Variants in ABCB5 observed in about 807,000 individuals in gnomAD.
ABCB5 encodes the protein ATP-binding cassette sub-family B member 5.
In ABCB5, 155 loss-of-function variants were observed where a neutral mutation model predicts 144.2. The ratio of observed to expected loss-of-function variants is 1.08; its 90% CI spans 0.94 to 1.23. The LOEUF (loss-of-function observed/expected upper bound fraction) is 1.23, where lower values mean the gene tolerates loss of function less well. Among genes scored for constraint, ABCB5 ranks in the 50% most tolerant of loss-of-function variants. The pLI is 0.00. For synonymous variants in ABCB5, 610 were observed against 528.6 expected (o/e 1.15, Z -2.11); for missense variants, 1,830 against 1,520.8 (o/e 1.20, Z -3.38).
chr7:20,700,379 G>A (rs886803105), intron 19 of ABCB5, among the ~76,000 whole-genome samples: 1 of 152,190 alleles, frequency 6.6e-6, no homozygotes, highest in African/African-American at 2.4e-5. Flanking sequence ...ATTGTTCCTT[G>A]CATTCATCTT....
intron 13 of ABCB5, among the ~76,000 whole-genome samples, chr7:20,655,152 A>G (rs146757883): frequency 5.6e-4 from 85 of 152,294 alleles, no homozygotes; most frequent in Middle Eastern, 3.4e-3. Flanking sequence ...TATTGATTCT[A>G]AGGACATTAA....
chr7:20,662,058 G>T (rs1013991215), intron 14 of ABCB5, among the ~76,000 whole-genome samples: 4 of 152,158 alleles, frequency 2.6e-5, no homozygotes, highest in African/African-American at 9.7e-5. Context: ...GGCCCCTGGG[G>T]AAGCCAAGGA....
chr7:20,630,321 C>G (rs1784011436), intron 4 of ABCB5, among the ~76,000 whole-genome samples: 1 of 151,738 alleles, frequency 6.6e-6, no homozygotes, highest in African/African-American at 2.4e-5. Context: ...CCTCTGTGCT[C>G]TATTTGACTT....
Position 20,645,854 on chromosome 7 carries a change from T to G in ABCB5, c.777T>G (p.Phe259Leu). The change falls in exon 8 of 28, where the codon TTT (phenylalanine) becomes TTG (leucine). Residue 259 changes from phenylalanine (F) to leucine (L), a missense_variant. By Grantham distance (22) the Phe-to-Leu change is conservative. Coordinates refer to ENST00000404938, the MANE Select transcript of ABCB5 (RefSeq NM_001163941.2). ...CATCAATCCGAACAGTCATAGCCTT[T>G]AGGGCCCAGGAGAAAGAACTTCAAA... ...VLSSIRTVIA[F>L]RAQEKELQRY... The G allele has an allele frequency of 6.2e-7, 1 of 1,613,788 alleles. No homozygotes were observed. The highest frequency in any genetic ancestry group is 8.5e-7 in the Non-Finnish European group (1 of 1,179,756).
chr7:20,621,622 A>G (rs1783807171), intron 1 of ABCB5, among the ~76,000 whole-genome samples: 1 of 152,034 alleles, frequency 6.6e-6, no homozygotes, highest in South Asian at 2.1e-4. Flanking sequence ...TCATGAGGAA[A>G]GAGAGAAAAA....
chr7:20,707,898 G>C (rs1037296684), intron 20 of ABCB5, among the ~76,000 whole-genome samples: 1 of 143,536 alleles, frequency 7.0e-6, no homozygotes, highest in African/African-American at 2.6e-5. Flanking sequence ...CCGCCTCCCA[G>C]GTTCACGCCA....
chr7:20,651,390 C>T (rs3213623), intron 12 of ABCB5, 30 bp from the exon 13 acceptor site: 295,025 of 1,610,834 alleles, frequency 0.18, 31,799 homozygotes, highest in African/African-American at 0.47. Flanking sequence ...TAAAAGGCAT[C>T]ACAACATGGT....
intron 1 of ABCB5, among the ~76,000 whole-genome samples, chr7:20,619,407 G>A (rs1229238305): frequency 2.0e-5 from 3 of 152,104 alleles, no homozygotes; most frequent in Non-Finnish European, 2.9e-5. Flanking sequence ...GTATCTCATT[G>A]TGGTTTTGAT....
chr7:20,659,876 G>A, intron 14 of ABCB5: 1 of 904,176 alleles, frequency 1.1e-6, no homozygotes, highest in Non-Finnish European at 1.3e-6. Context: ...TAGAGACAAG[G>A]TTTTGCCATG....
At chr7:20,620,830 T>G (rs897647394) in intron 1 of ABCB5, among the ~76,000 whole-genome samples, 3 of 152,150 alleles carry the variant, frequency 2.0e-5, no homozygotes, top group African/African-American at 7.2e-5. Context: ...AAAAACAGTA[T>G]GAATATTTCT....
chr7:20,735,512 C>T (rs62453389), intron 23 of ABCB5, among the ~76,000 whole-genome samples: 14,095 of 152,264 alleles, frequency 0.093, 844 homozygotes, highest in Non-Finnish European at 0.13. Context: ...ACAGGAAAGA[C>T]TTCTTTCCAT....
At chr7:20,721,232 A>T (rs1781857503) in intron 20 of ABCB5, among the ~76,000 whole-genome samples, 1 of 152,190 alleles carries the variant, frequency 6.6e-6, no homozygotes, top group East Asian at 1.9e-4. Context: ...CAGCCACTTA[A>T]TCCCAAGTGA....
chr7:20,744,795 G>A (rs1406519211), intron 25 of ABCB5, among the ~76,000 whole-genome samples: 1 of 151,662 alleles, frequency 6.6e-6, no homozygotes, highest in Non-Finnish European at 1.5e-5. Context: ...ATATATATAA[G>A]CTACAAAAGG....
At chr7:20,722,428 G>C (rs1781897984) in intron 20 of ABCB5, among the ~76,000 whole-genome samples, 1 of 152,188 alleles carries the variant, frequency 6.6e-6, no homozygotes, top group African/African-American at 2.4e-5. Context: ...TCCCTTTAAG[G>C]AGGTAGTATT....
chr7:20,755,754 C>G lies in ABCB5; in HGVS notation c.*130C>G. The G allele has an allele frequency of 1.1e-6, 1 of 892,114 alleles. No homozygotes were observed. Among genetic ancestry groups the G allele is most frequent in the African/African-American group, 1.7e-5 (1 of 59,628 alleles). The allele number at this position is 892,114 out of a possible 1,614,324, so 55.3% of individuals were successfully genotyped here. A position where few individuals can be genotyped will look rare whatever the true frequency, so the allele number is the denominator to read the frequency against. On this transcript the variant is annotated 3_prime_UTR_variant, in exon 28 of 28. Coordinates refer to ENST00000404938, the MANE Select transcript of ABCB5 (RefSeq NM_001163941.2). ...TAGAATCATGCTACTCAAGTACATA[C>G]ATGTTCTATTCACACACCATCTGAC...
chr7:20,654,598 C>A (rs1369033529), intron 13 of ABCB5, among the ~76,000 whole-genome samples: 1 of 152,042 alleles, frequency 6.6e-6, no homozygotes, highest in Non-Finnish European at 1.5e-5. Context: ...TCTGGGCCAT[C>A]AAAACAAACA....
chr7:20,724,515 G>C (rs549308565), intron 21 of ABCB5, among the ~76,000 whole-genome samples: 19 of 150,946 alleles, frequency 1.3e-4, no homozygotes, highest in Non-Finnish European at 2.4e-4. Context: ...TGTAATCCCA[G>C]TTACTTGGGA....
chr7:20,749,395 A>AT (rs34687757), intron 26 of ABCB5, among the ~76,000 whole-genome samples: 3,032 of 81,872 alleles, frequency 0.037, 307 homozygotes, highest in African/African-American at 0.13. Context: ...TGCCTGCCTA[A>AT]TTTTTTTTTT....
At chr7:20,628,567 T>C (rs1783960884) in intron 3 of ABCB5, 121 bp from the exon 4 acceptor site, 1 of 935,032 alleles carries the variant, frequency 1.1e-6, no homozygotes, top group Non-Finnish European at 1.6e-6. Context: ...ATTTACCATC[T>C]TAATGTATAA....
Sources: gnomAD v4.1 joint callset for allele counts (sites outside exome capture counted in the v4.1 genomes callset) on GRCh38, gnomAD v4.1.1 for gene constraint, MANE v1.5 for transcripts, NCBI Gene and HGNC (gene_info 2026-07-23, HGNC 2026-07-21) for gene names.